Variants in TG observed in about 807,000 individuals in gnomAD.
The protein encoded by TG is thyroid hormones.
Under a neutral mutation model 324.7 loss-of-function variants are expected in TG, and 270 were observed. That is an observed-to-expected ratio of 0.83 (90% CI 0.75 to 0.92). The LOEUF (loss-of-function observed/expected upper bound fraction) is 0.92. Ranked by LOEUF, TG falls within the 40% of genes least tolerant of loss-of-function variation. The pLI, the probability that TG is intolerant of heterozygous loss-of-function variation, is 0.00. For synonymous variants in TG, 1,401 were observed against 1,327.0 expected (o/e 1.06, Z -1.21); for missense variants, 3,591 against 3,456.4 (o/e 1.04, Z -0.98).
intron 41 of TG, among the ~76,000 whole-genome samples, chr8:133,062,085 G>T (rs1416836417): frequency 6.6e-6 from 1 of 152,150 alleles, no homozygotes; most frequent in Non-Finnish European, 1.5e-5. Context: ...TGGCTAGAAC[G>T]GGCAGCATGT....
Position 132,919,337 on chromosome 8 carries a change from T to C in TG, c.4379-39T>C, listed in dbSNP as rs973339047. ...TCTGGGATTGTAACTGTGAAGCATG[T>C]GTCTTGATTTTTAACATCATTTCTC... On this transcript the variant is annotated intron_variant, in intron 20 of 47. Coordinates refer to ENST00000220616, the MANE Select transcript of TG (RefSeq NM_003235.5). 14 of 1,604,418 alleles carry C rather than the reference T, an allele frequency of 8.7e-6. No individual in the cohort carries two copies. In the African/African-American group the frequency reaches 1.6e-4, roughly 18 times the overall value.
At chr8:132,956,356 G>A (rs1243949550) in intron 27 of TG, among the ~76,000 whole-genome samples, 2 of 152,124 alleles carry the variant, frequency 1.3e-5, no homozygotes, top group Non-Finnish European at 2.9e-5. Flanking sequence ...TATAAAGAGG[G>A]GACTTACAGT....
intron 27 of TG, among the ~76,000 whole-genome samples, chr8:132,950,388 C>T (rs1263491215): frequency 6.6e-6 from 1 of 152,186 alleles, no homozygotes; most frequent in Non-Finnish European, 1.5e-5. Flanking sequence ...GCTTATGTTG[C>T]TGCAGGAAGT....
intron 41 of TG, among the ~76,000 whole-genome samples, chr8:133,065,477 T>C (rs2046997167): frequency 6.6e-6 from 1 of 152,188 alleles, no homozygotes; most frequent in Non-Finnish European, 1.5e-5. Context: ...TTAAAAGTTA[T>C]CAGGCCGGGC....
intron 41 of TG, among the ~76,000 whole-genome samples, chr8:133,069,857 C>T (rs1156233579): frequency 6.6e-6 from 1 of 151,740 alleles, no homozygotes; most frequent in African/African-American, 2.4e-5. Flanking sequence ...CAAAAATCAG[C>T]TGGGCGTGGT....
At chr8:132,930,175 A>G (rs753450775) in intron 23 of TG, among the ~76,000 whole-genome samples, 4 of 152,250 alleles carry the variant, frequency 2.6e-5, no homozygotes, top group Non-Finnish European at 5.9e-5. Flanking sequence ...TTTCACAAAC[A>G]CAGTGCAAGG....
intron 35 of TG, chr8:132,983,639 T>C (rs1831178245): frequency 1.7e-6 from 1 of 603,472 alleles, no homozygotes; most frequent in Non-Finnish European, 3.0e-6. Context: ...GTGGAAATTA[T>C]GTGGCTGATT....
At chr8:133,069,973 T>C (rs1202545176) in intron 41 of TG, among the ~76,000 whole-genome samples, 4 of 125,814 alleles carry the variant, frequency 3.2e-5, no homozygotes, top group Non-Finnish European at 4.6e-5. Flanking sequence ...TGAACTTCAG[T>C]CGGGGTGACA....
chr8:132,981,364 A>G (rs1330825868), intron 34 of TG, among the ~76,000 whole-genome samples: 2 of 152,178 alleles, frequency 1.3e-5, no homozygotes, highest in East Asian at 1.9e-4. Flanking sequence ...TTTCAAAGTA[A>G]ATTTCTAGGA....
At chr8:133,112,875 G>A (rs756246506) in intron 43 of TG, among the ~76,000 whole-genome samples, 7 of 152,140 alleles carry the variant, frequency 4.6e-5, no homozygotes, top group Non-Finnish European at 8.8e-5. Context: ...GAGCTTGATC[G>A]GCATGTTTGT....
intron 27 of TG, among the ~76,000 whole-genome samples, chr8:132,959,856 T>C (rs1449072203): frequency 3.9e-5 from 6 of 152,240 alleles, no homozygotes; most frequent in Admixed American, 2.6e-4. Flanking sequence ...TTGTTCTGTT[T>C]TGTTTTGTTT....
chr8:132,913,661 G>A (rs117848558), intron 20 of TG, among the ~76,000 whole-genome samples: 2 of 152,268 alleles, frequency 1.3e-5, no homozygotes, highest in Non-Finnish European at 2.9e-5. Context: ...AGGGAAAATG[G>A]TTCCTGATTG....
At position 132,891,600 on chromosome 8, in the gene TG, G is replaced by T. The variant is rs528214185; in HGVS notation, c.2762-2090G>T. Among the ~76,000 whole-genome samples the T allele has an allele frequency of 1.4e-4, 22 of 152,278 alleles. No individual in the cohort carries two copies. The South Asian group carries it at 4.6e-3, about 32-fold the overall frequency. On this transcript the variant is annotated intron_variant, in intron 10 of 47. Coordinates refer to ENST00000220616, the MANE Select transcript of TG (RefSeq NM_003235.5). ...TCTGTCTGCCTTGGCCTCCCAAAGT[G>T]CTAGGATTACAGGCATGAACCACTG...
In TG at chr8:132,935,390, C is replaced by T. The variant is rs543349567; in HGVS notation, c.4933-366C>T. Among the ~76,000 whole-genome samples the T allele has an allele frequency of 9.2e-5, 14 of 152,026 alleles. No homozygotes were observed. In the East Asian group the frequency reaches 1.6e-3, roughly 17 times the overall value. On this transcript the variant is annotated intron_variant, in intron 24 of 47. Transcript: ENST00000220616. ...AACTCTAGACCCCAAATGATCCACC[C>T]GCCTCGGCCTCCCAAAGTGCTGGGA... is the stretch of plus-strand genomic sequence containing the variant.
intron 5 of TG, among the ~76,000 whole-genome samples, chr8:132,881,269 T>A (rs1315375783): frequency 6.6e-6 from 1 of 152,222 alleles, no homozygotes; most frequent in Non-Finnish European, 1.5e-5. Context: ...ATCTCTTTCT[T>A]CAGTTTACGG....
chr8:133,031,968 C>T (rs1264079861), intron 41 of TG, among the ~76,000 whole-genome samples: 1 of 152,146 alleles, frequency 6.6e-6, no homozygotes, highest in Admixed American at 6.5e-5. Context: ...CCAGGATTTC[C>T]AACAGTAAGT....
chr8:133,094,439 A>G (rs1564183302), intron 41 of TG, among the ~76,000 whole-genome samples: 1 of 151,776 alleles, frequency 6.6e-6, no homozygotes, highest in Non-Finnish European at 1.5e-5. Context: ...ATGGGGTTTC[A>G]CTGTGTTAGC....
chr8:132,948,740 A>G (rs761039293), intron 26 of TG, 36 bp from the exon 27 acceptor site: 4 of 1,611,218 alleles, frequency 2.5e-6, no homozygotes, highest in Non-Finnish European at 3.4e-6. Flanking sequence ...GTCCCCCTCC[A>G]TCACACTGAC....
At chr8:133,102,858 C>A in intron 43 of TG, 1 of 350,974 alleles carries the variant, frequency 2.8e-6, no homozygotes, top group Non-Finnish European at 5.5e-6. Context: ...CTAAGCTTGG[C>A]CAGGAGTTGG....
Sources: allele counts gnomAD v4.1 joint callset (sites outside exome capture counted in the v4.1 genomes callset), GRCh38; gene constraint gnomAD v4.1.1; transcripts MANE v1.5; gene names NCBI Gene and HGNC (gene_info 2026-07-23, HGNC 2026-07-21).